Variants in IL1RAPL1 observed in about 807,000 individuals in gnomAD.
The protein encoded by IL1RAPL1 is interleukin-1 receptor accessory protein-like 1.
A neutral mutation model predicts 48.4 loss-of-function variants in IL1RAPL1; 3 were observed. That is an observed-to-expected ratio of 0.06 (90% CI 0.03 to 0.16). IL1RAPL1 has a LOEUF of 0.16. Among genes scored for constraint, IL1RAPL1 ranks in the 10% least tolerant of loss-of-function variants. The pLI is 1.00. For synonymous variants in IL1RAPL1, 185 were observed against 187.7 expected, an observed-to-expected ratio of 0.99 and a Z score of 0.12; for missense variants, 349 against 530.6, an observed-to-expected ratio of 0.66 and a Z score of 3.36.
At chrX:29,198,142 C>G (rs1019127213) in intron 2 of IL1RAPL1, among the ~76,000 whole-genome samples, 1 of 111,474 alleles carries the variant, frequency 9.0e-6, no homozygotes, top group Non-Finnish European at 1.9e-5. Flanking sequence ...ATGAACCACT[C>G]TCAGGCTAGA....
At chrX:29,419,572 C>T (rs968285711) in intron 5 of IL1RAPL1, among the ~76,000 whole-genome samples, 1 of 111,767 alleles carries the variant, frequency 8.9e-6, no homozygotes, top group Admixed American at 9.5e-5. Flanking sequence ...TCACCTGCCT[C>T]GGCCTCCCAA....
chrX:29,553,146 T>G (rs1030310490), intron 5 of IL1RAPL1, among the ~76,000 whole-genome samples: 1 of 111,975 alleles, frequency 8.9e-6, no homozygotes, highest in African/African-American at 3.2e-5. Flanking sequence ...ATGTTTTATC[T>G]TTCTTTTTTG....
chrX:29,943,642 C>T (rs1025017238), intron 9 of IL1RAPL1, among the ~76,000 whole-genome samples: 2 of 112,171 alleles, frequency 1.8e-5, no homozygotes, highest in Admixed American at 9.4e-5. Flanking sequence ...AAACAAGTCT[C>T]CCCTTTTCTA....
chrX:29,567,429 G>T (rs973932445), intron 5 of IL1RAPL1, among the ~76,000 whole-genome samples: 14 of 111,785 alleles, frequency 1.3e-4, no homozygotes, highest in Non-Finnish European at 1.9e-5. Context: ...TAAAGCACCA[G>T]CAAATGTGAA....
intron 2 of IL1RAPL1, among the ~76,000 whole-genome samples, chrX:28,913,850 T>G (rs1456719249): frequency 8.9e-6 from 1 of 111,874 alleles, no homozygotes; most frequent in Non-Finnish European, 1.9e-5. Context: ...TGACTTCCGC[T>G]TTCTCACCTA....
intron 2 of IL1RAPL1, among the ~76,000 whole-genome samples, chrX:28,945,124 G>A (rs897035902): frequency 9.0e-6 from 1 of 111,653 alleles, no homozygotes; most frequent in Non-Finnish European, 1.9e-5. Context: ...AGGCTATGGA[G>A]AAATAGGAAT....
At chrX:28,907,894 A>G (rs1923260882) in intron 2 of IL1RAPL1, among the ~76,000 whole-genome samples, 1 of 112,134 alleles carries the variant, frequency 8.9e-6, no homozygotes, top group Admixed American at 9.5e-5. Context: ...GAAGGTTATT[A>G]GTAATTAATT....
At chrX:28,628,234 G>A (rs757283398) in intron 1 of IL1RAPL1, among the ~76,000 whole-genome samples, 1 of 111,993 alleles carries the variant, frequency 8.9e-6, no homozygotes, top group African/African-American at 3.2e-5. Context: ...CTCAGGACTG[G>A]CAGATTGTGA....
intron 5 of IL1RAPL1, among the ~76,000 whole-genome samples, chrX:29,529,640 CTATTAGTGT>C (rs60369358): frequency 0.44 from 46,215 of 104,887 alleles, 7,941 homozygotes; most frequent in East Asian, 0.68. Flanking sequence ...AGAAAATATT[CTATTAGTGT>C]TATTAGTGTT....
chrX:29,345,434 C>T (rs997816633), intron 3 of IL1RAPL1, among the ~76,000 whole-genome samples: 1 of 111,912 alleles, frequency 8.9e-6, no homozygotes, highest in Non-Finnish European at 1.9e-5. Flanking sequence ...TGTCTTCCTT[C>T]TCTCTGAAAT....
intron 6 of IL1RAPL1, among the ~76,000 whole-genome samples, chrX:29,905,399 T>G (rs1932588908): frequency 8.9e-6 from 1 of 112,046 alleles, no homozygotes. Context: ...TTGGCTTTTT[T>G]TGCAATTGCT....
At chrX:28,883,046 G>A (rs1275582874) in intron 2 of IL1RAPL1, among the ~76,000 whole-genome samples, 2 of 111,361 alleles carry the variant, frequency 1.8e-5, no homozygotes, top group Admixed American at 9.6e-5. Flanking sequence ...TGTGATTGAA[G>A]TTATCAGTTT....
intron 5 of IL1RAPL1, among the ~76,000 whole-genome samples, chrX:29,432,779 A>T (rs1187299752): frequency 9.0e-6 from 1 of 111,650 alleles, no homozygotes. Flanking sequence ...TTAAACCATA[A>T]TACTTCTCCT....
At chrX:28,615,397 C>A (rs1468054346) in intron 1 of IL1RAPL1, among the ~76,000 whole-genome samples, 3 of 108,944 alleles carry the variant, frequency 2.8e-5, no homozygotes, top group African/African-American at 1.0e-4. Flanking sequence ...AAACCAATTG[C>A]CAAAGGATGT....
chrX:28,852,274 G>A (rs749884834), intron 2 of IL1RAPL1, among the ~76,000 whole-genome samples: 31 of 110,724 alleles, frequency 2.8e-4, no homozygotes, highest in Non-Finnish European at 5.1e-4. Context: ...TATTTAAACA[G>A]TATGATGTAT....
At chrX:28,730,058 A>C (rs1935735105) in intron 1 of IL1RAPL1, among the ~76,000 whole-genome samples, 1 of 112,271 alleles carries the variant, frequency 8.9e-6, no homozygotes, top group Non-Finnish European at 1.9e-5. Context: ...CATTTGTTTC[A>C]ATTATAATTA....
At chrX:29,953,466 A>ATATT (rs2147257973) in intron 9 of IL1RAPL1, among the ~76,000 whole-genome samples, 1 of 112,016 alleles carries the variant, frequency 8.9e-6, no homozygotes, top group Admixed American at 9.5e-5. Context: ...TAGTCCTCAA[A>ATATT]TATTTAAAAT....
At chrX:29,735,310 T>C (rs1036175166) in intron 6 of IL1RAPL1, among the ~76,000 whole-genome samples, 2 of 111,998 alleles carry the variant, frequency 1.8e-5, no homozygotes, top group African/African-American at 6.5e-5. Flanking sequence ...TTTTCTTACA[T>C]GGACCTCTAC....
At chrX:29,913,095 A>G (rs983346905) in intron 6 of IL1RAPL1, among the ~76,000 whole-genome samples, 1 of 111,124 alleles carries the variant, frequency 9.0e-6, no homozygotes, top group Admixed American at 9.6e-5. Context: ...TGGTGAATCC[A>G]GCTTTTCTCC....
Sources: allele counts gnomAD v4.1 joint callset (sites outside exome capture counted in the v4.1 genomes callset), GRCh38; gene constraint gnomAD v4.1.1; transcripts MANE v1.5; gene names NCBI Gene and HGNC (gene_info 2026-07-23, HGNC 2026-07-21).